GREB1: variants seen among roughly 807,000 people sequenced by gnomAD.
The protein encoded by GREB1 is protein GREB1.
In GREB1, 106 loss-of-function variants were observed where a neutral mutation model predicts 200.7. The ratio of observed to expected loss-of-function variants is 0.53; its 90% CI spans 0.45 to 0.62. GREB1 has a LOEUF of 0.62. GREB1 is among the 20% of genes least tolerant of loss of function. The probability of loss-of-function intolerance (pLI) is 0.00; values close to 1 mark genes in which losing one functional copy is unlikely to be tolerated. For missense variants in GREB1, 2,243 were observed against 2,556.8 expected (o/e 0.88, Z 2.65); for synonymous variants, 1,132 against 1,092.4 (o/e 1.04, Z -0.72).
chr2:11,509,331 A>C (rs981437608), intron 1 of GREB1, among the ~76,000 whole-genome samples: 4 of 152,178 alleles, frequency 2.6e-5, no homozygotes, highest in African/African-American at 9.7e-5. Flanking sequence ...TATTTCCCAG[A>C]TTTAAAAAAA....
chr2:11,591,338 G>A, intron 10 of GREB1: 1 of 725,030 alleles, frequency 1.4e-6, no homozygotes. Flanking sequence ...AGCTGGTGCT[G>A]GGTAGAGCTG....
chr2:11,487,905 G>C (rs1369221495), intron 1 of GREB1, among the ~76,000 whole-genome samples: 1 of 152,156 alleles, frequency 6.6e-6, no homozygotes, highest in Non-Finnish European at 1.5e-5. Flanking sequence ...GGACTGCCTG[G>C]GAGGTTGTGG....
At position 11,570,360 on chromosome 2, in the gene GREB1, G is replaced by A. The variant is rs368429924; in HGVS notation, c.454+3704G>A. ...GGAGGTTGCAGTGAGCTGAGATGAA[G>A]CCATTTCACTCCAGTCTAGGCGACA... On this transcript the variant is annotated intron_variant, in intron 4 of 32. Coordinates refer to ENST00000381486, the MANE Select transcript of GREB1 (RefSeq NM_014668.4). Among the ~76,000 whole-genome samples the A allele has an allele frequency of 1.1e-4, 16 of 147,518 alleles. No individual in the cohort carries two copies. The East Asian group carries it at 3.0e-3, about 27-fold the overall frequency.
chr2:11,585,153 T>C lies in GREB1; in HGVS notation c.902-8T>C. ...GATAGCCTAATCCACACTCTGAATA[T>C]TGTCTAGGTATCTTGTCAAACTCCG... On this transcript the variant is annotated splice_region_variant and splice_polypyrimidine_tract_variant and intron_variant, in intron 7 of 32. Coordinates refer to ENST00000381486, the MANE Select transcript of GREB1 (RefSeq NM_014668.4). 1 of 1,510,930 alleles carries C rather than the reference T, an allele frequency of 6.6e-7. No homozygotes were observed. Among genetic ancestry groups the C allele is most frequent in the Non-Finnish European group, 8.9e-7 (1 of 1,118,310 alleles). The allele number at this position is 1,510,930 out of a possible 1,614,324, so 93.6% of individuals were successfully genotyped here. A position where few individuals can be genotyped will look rare whatever the true frequency, so the allele number is the denominator to read the frequency against.
At chr2:11,636,192 C>T (rs1486555551) in intron 30 of GREB1, among the ~76,000 whole-genome samples, 1 of 152,204 alleles carries the variant, frequency 6.6e-6, no homozygotes, top group Non-Finnish European at 1.5e-5. Flanking sequence ...TGCAAAGTAA[C>T]AAGACCTTTA....
intron 14 of GREB1, 81 bp downstream of exon 14, chr2:11,598,059 T>C: frequency 9.9e-7 from 1 of 1,008,466 alleles, no homozygotes; most frequent in South Asian, 1.3e-5. Flanking sequence ...GACACTGTTC[T>C]TTGCTATAGA....
intron 1 of GREB1, chr2:11,517,488 C>T (rs1673546943): frequency 6.8e-6 from 1 of 147,814 alleles, no homozygotes; most frequent in African/African-American, 2.4e-5. Context: ...ACTGGGGAGA[C>T]CCGGTGCTGT....
At chr2:11,622,839 A>G (rs997873337) in intron 23 of GREB1, among the ~76,000 whole-genome samples, 1 of 152,196 alleles carries the variant, frequency 6.6e-6, no homozygotes, top group Non-Finnish European at 1.5e-5. Flanking sequence ...CTCTGGCCGG[A>G]GTGGAAGTCA....
chr2:11,606,485 T>C (rs1682304387), intron 17 of GREB1, among the ~76,000 whole-genome samples: 1 of 152,230 alleles, frequency 6.6e-6, no homozygotes, highest in Non-Finnish European at 1.5e-5. Context: ...TTTGGTGAAG[T>C]GTCTCTTGAT....
chr2:11,595,233 A>G lies in GREB1; in HGVS notation c.1697-18A>G. The G allele has an allele frequency of 6.2e-7, 1 of 1,606,990 alleles. No individual in the cohort carries two copies. The highest frequency in any genetic ancestry group is 8.5e-7 in the Non-Finnish European group (1 of 1,175,882). The stretch of plus-strand genomic sequence containing the variant: ...AGGGAAGATACAATGGGTACTGTGA[A>G]ATCTGTTTGCTTTCCAGGAAAATAC... On this transcript the variant is annotated intron_variant, in intron 11 of 32. Coordinates refer to ENST00000381486, the MANE Select transcript of GREB1 (RefSeq NM_014668.4).
chr2:11,562,063 C>T (rs1478670660), intron 2 of GREB1, among the ~76,000 whole-genome samples: 2 of 152,198 alleles, frequency 1.3e-5, no homozygotes, highest in African/African-American at 4.8e-5. Flanking sequence ...CCAGGCATTG[C>T]GCTCAGTCCT....
chr2:11,535,251 C>T (rs924056559), intron 1 of GREB1, among the ~76,000 whole-genome samples: 1 of 152,166 alleles, frequency 6.6e-6, no homozygotes, highest in Admixed American at 6.6e-5. Context: ...CCCAGGTATG[C>T]ACCCTTCTCC....
chr2:11,584,936 G>C (rs1572815425), intron 7 of GREB1: 1 of 393,060 alleles, frequency 2.5e-6, no homozygotes, highest in Admixed American at 4.5e-5. Context: ...AGGACCACCA[G>C]GTTGCCTAAG....
chr2:11,547,726 A>G (rs1675417262), intron 1 of GREB1, among the ~76,000 whole-genome samples: 1 of 152,204 alleles, frequency 6.6e-6, no homozygotes, highest in Non-Finnish European at 1.5e-5. Flanking sequence ...ATTTAAAACC[A>G]TTTTTAAATT....
rs563859811 is a variant in GREB1 at position 11,492,099 on chromosome 2, G to T, written c.-159+9718G>T. ...TGGATTCCCCATGGCTCTTCCAGCC[G>T]TCTGGTTGACTCCCTGCCTGGCTAC... is the stretch of plus-strand genomic sequence containing the variant. On this transcript the variant is annotated intron_variant, in intron 1 of 2. Transcript: ENST00000628795. This position sits in a 1 kb window ranked among gnomAD's most constrained non-coding sequence, Gnocchi z 4.0. 2.0e-5 allele frequency among the ~76,000 whole-genome samples: 3 copies of T among 152,206 alleles called. No individual in the cohort carries two copies. Among genetic ancestry groups the T allele is most frequent in the Admixed American group, 1.3e-4 (2 of 15,286 alleles).
Position 11,618,858 on chromosome 2 carries a change from G to C in GREB1, c.3983G>C (p.Arg1328Pro), listed in dbSNP as rs777556736. ...PRPSHMDYGN[R>P]AEGRVDGFHP... ...CCCAGCCACATGGACTACGGCAACC[G>C]GGCCGAGGGCCGCGTGGACGGCTTC... Residue 1328 changes from arginine to proline, a missense_variant, in exon 22 of 33, where the codon CGG becomes CCG. Around this residue, in one of 3 missense-constraint regions of GREB1, gnomAD observed 587 missense variants for 553.1 expected, o/e 1.06. Coordinates refer to ENST00000381486, the MANE Select transcript of GREB1 (RefSeq NM_014668.4). 1 of 1,589,100 alleles carries C rather than the reference G, an allele frequency of 6.3e-7. No homozygotes were observed. The highest frequency in any genetic ancestry group is 1.3e-5 in the African/African-American group (1 of 74,890).
At chr2:11,625,882 A>G (rs546310171) in intron 24 of GREB1, among the ~76,000 whole-genome samples, 6 of 152,332 alleles carry the variant, frequency 3.9e-5, no homozygotes, top group African/African-American at 1.4e-4. Flanking sequence ...TCACAGTTCC[A>G]CGTGGCTGGG....
In GREB1 at chr2:11,637,746, G is replaced by C; in HGVS notation, c.5377G>C (p.Ala1793Pro). The C allele has an allele frequency of 6.2e-7, 1 of 1,613,668 alleles. No homozygotes were observed. The highest frequency in any genetic ancestry group is 8.5e-7 in the Non-Finnish European group (1 of 1,180,006). ...VSDNSAAVVP[A>P]QYICAPDSKH... ...TGATAACTCTGCCGCGGTCGTGCCG[G>C]CCCAGTACATCTGTGCCCCGGACAG... is the stretch of plus-strand genomic sequence containing the variant. The change falls in exon 31 of 33, where the codon GCC (alanine) becomes CCC (proline). Residue 1793 changes from alanine (A) to proline (P), a missense_variant. Physicochemically the swap from Ala to Pro is conservative, Grantham distance 27. This residue lies in a region of GREB1 where 478 missense variants were observed against 616.3 expected (regional missense o/e 0.78). Coordinates refer to ENST00000381486, the MANE Select transcript of GREB1 (RefSeq NM_014668.4).
At chr2:11,511,264 G>C (rs1430335294) in intron 1 of GREB1, among the ~76,000 whole-genome samples, 1 of 152,074 alleles carries the variant, frequency 6.6e-6, no homozygotes, top group Non-Finnish European at 1.5e-5. Flanking sequence ...ATAGTTTTTC[G>C]GGTGCTACAC....
Sources: gnomAD v4.1 joint callset for allele counts (sites outside exome capture counted in the v4.1 genomes callset) on GRCh38, gnomAD v4.1.1 for gene constraint, gnomAD v4.1.1 regional missense constraint, Gnocchi (gnomAD v3.1) non-coding constraint, MANE v1.5 for transcripts, NCBI Gene and HGNC (gene_info 2026-07-23, HGNC 2026-07-21) for gene names.